FAS: variants seen among roughly 807,000 people sequenced by gnomAD.
FAS encodes the protein tumor necrosis factor receptor superfamily member 6.
FAS carries 5 observed loss-of-function variants against 33.2 expected under a neutral mutation model. The ratio of observed to expected loss-of-function variants is 0.15; its 90% CI spans 0.08 to 0.32. FAS has a LOEUF of 0.32. FAS is among the 10% of genes least tolerant of loss of function. FAS has a pLI of 1.00. For missense variants in FAS, 339 were observed against 386.0 expected, an observed-to-expected ratio of 0.88 and a Z score of 1.02; for synonymous variants, 131 against 130.7, an observed-to-expected ratio of 1.00 and a Z score of -0.01.
chr10:89,006,100 G>A (rs1012729173), intron 2 of FAS, among the ~76,000 whole-genome samples: 3 of 152,084 alleles, frequency 2.0e-5, no homozygotes, highest in Non-Finnish European at 2.9e-5. Flanking sequence ...TTGGAGGAAC[G>A]AAAGAACCTG....
intron 1 of FAS, chr10:88,973,112 T>C: frequency 6.8e-7 from 1 of 1,474,104 alleles, no homozygotes; most frequent in South Asian, 1.4e-5. Context: ...GTTTTATTTT[T>C]CTATTTTAAT....
chr10:88,990,995 T>TGCGGCGGCA lies in FAS; in HGVS notation c.30+96_30+104dup. Reference sequence around the variant, plus strand: ...GGCGGGCGCGGGACGCGTGCGGGATTGCGGCGGCAGCGGCGCACGCGGGCA... The same window carrying TGCGGCGGCA: ...GGCGGGCGCGGGACGCGTGCGGGATTGCGGCGGCAGCGGCGGCAGCGGCGCACGCGGGCA... On this transcript the variant is annotated intron_variant, in intron 1 of 8. Transcript: ENST00000652046. This position sits in a 1 kb window ranked among gnomAD's most constrained non-coding sequence, Gnocchi z 4.9. 2 of 1,588,582 alleles carry TGCGGCGGCA rather than the reference T, an allele frequency of 1.3e-6. No individual in the cohort carries two copies. The highest frequency in any genetic ancestry group is 3.4e-4 in the Middle Eastern group (2 of 5,892).
At chr10:88,972,740 A>G (rs1405924299) in intron 1 of FAS, among the ~76,000 whole-genome samples, 1 of 152,170 alleles carries the variant, frequency 6.6e-6, no homozygotes, top group Non-Finnish European at 1.5e-5. Flanking sequence ...ATTATAATGT[A>G]TATTATAAGC....
intron 1 of FAS, among the ~76,000 whole-genome samples, chr10:88,966,583 T>C (rs1228781141): frequency 6.6e-6 from 1 of 152,212 alleles, no homozygotes; most frequent in South Asian, 2.1e-4. Flanking sequence ...AAGAGGTTGA[T>C]AGTTTCACAA....
At chr10:88,998,964 C>G (rs1847764845) in intron 1 of FAS, among the ~76,000 whole-genome samples, 1 of 151,888 alleles carries the variant, frequency 6.6e-6, no homozygotes, top group Admixed American at 6.6e-5. Context: ...GACCATCTGG[C>G]CAACATGGTG....
At chr10:89,007,672 A>G in intron 2 of FAS, 28 bp from the exon 3 acceptor site, 2 of 1,613,310 alleles carry the variant, frequency 1.2e-6, no homozygotes, top group Non-Finnish European at 1.7e-6. Context: ...GTCCTGTTCA[A>G]ACACTTGCTC....
At chr10:88,966,522 G>A (rs1364981966) in intron 1 of FAS, among the ~76,000 whole-genome samples, 1 of 152,132 alleles carries the variant, frequency 6.6e-6, no homozygotes, top group Non-Finnish European at 1.5e-5. Flanking sequence ...AATATAAATA[G>A]GCAGTATAAA....
rs9658688 is a variant in FAS, at chr10:88,996,199, G to GTT, written c.30+5299_30+5300dup. ...TCAGAGTATGCGGGTGAAGACTCTTGTTTTTTTGCTGAGGATTTAGCTTTG... is the reference window on the plus strand; with the variant it reads ...TCAGAGTATGCGGGTGAAGACTCTTGTTTTTTTTTGCTGAGGATTTAGCTTTG... On this transcript the variant is annotated intron_variant, in intron 1 of 8. Coordinates refer to ENST00000652046, the MANE Select transcript of FAS (RefSeq NM_000043.6). 1.5e-3 allele frequency among the ~76,000 whole-genome samples: 234 copies of GTT among 151,896 alleles called. 1 individual carries two copies. Among genetic ancestry groups the GTT allele is most frequent in the African/African-American group, 5.4e-3 (224 of 41,404 alleles).
At chr10:88,990,240 C>T (rs529324410), upstream of FAS, among the ~76,000 whole-genome samples, 72 of 152,340 alleles carry the variant, frequency 4.7e-4, no homozygotes, top group African/African-American at 1.7e-3. This position sits in a 1 kb window ranked among gnomAD's most constrained non-coding sequence, Gnocchi z 4.9. Context: ...GCAGCCACAA[C>T]ATGGACAGCC....
At chr10:88,971,133 G>T (rs1432715592) in intron 1 of FAS, among the ~76,000 whole-genome samples, 1 of 152,096 alleles carries the variant, frequency 6.6e-6, no homozygotes, top group Non-Finnish European at 1.5e-5. Context: ...TTGTAGATTT[G>T]GGCAGAAAAA....
At chr10:88,965,944 G>A (rs1846311298) in intron 1 of FAS, among the ~76,000 whole-genome samples, 1 of 152,212 alleles carries the variant, frequency 6.6e-6, no homozygotes, top group Non-Finnish European at 1.5e-5. Context: ...AAAATGGTGA[G>A]TTAGAGCAGA....
intron 2 of FAS, chr10:88,973,766 A>ATT (rs1846500790): frequency 6.5e-6 from 1 of 152,762 alleles, no homozygotes; most frequent in Admixed American, 6.5e-5. Context: ...ATTAACAGGT[A>ATT]TATATATTTG....
At chr10:88,973,383 ATCTT>A in intron 2 of FAS, 1 of 1,435,282 alleles carries the variant, frequency 7.0e-7, no homozygotes, top group Non-Finnish European at 9.2e-7. Context: ...AATTGTGAAA[ATCTT>A]TCATAGAGTT....
upstream of FAS, among the ~76,000 whole-genome samples, chr10:88,984,472 C>A (rs143144340): frequency 3.4e-3 from 513 of 152,278 alleles, 1 homozygote; most frequent in African/African-American, 0.012. Flanking sequence ...TGTCAAGTGG[C>A]AAATGACACT....
intron 3 of FAS, among the ~76,000 whole-genome samples, 188 bp from the exon 4 acceptor site, chr10:89,008,701 T>C (rs183814375): frequency 1.3e-5 from 2 of 152,350 alleles, no homozygotes; most frequent in South Asian, 4.1e-4. Context: ...TGCTGCTAAA[T>C]GATTGCTGGC....
chr10:89,014,181 G>A lies in FAS; in HGVS notation c.739G>A (p.Gly247Ser). Reference sequence around the variant, plus strand: ...AGTCATGACACTAAGTCAAGTTAAAGGCTTTGTTCGAAAGAATGGTGTCAA... The same window carrying A: ...AGTCATGACACTAAGTCAAGTTAAAAGCTTTGTTCGAAAGAATGGTGTCAA... ...AGVMTLSQVK[G>S]FVRKNGVNEA... Residue 247 changes from glycine to serine, a missense_variant, in exon 9 of 9, where the codon GGC becomes AGC. Gly to Ser is a moderately conservative substitution (Grantham distance 56). Around this residue, in one of 3 missense-constraint regions of FAS, gnomAD observed 276 missense variants for 300.1 expected, o/e 0.92. Transcript: ENST00000652046. The A allele has an allele frequency of 6.2e-7, 1 of 1,613,854 alleles. No individual in the cohort carries two copies. The highest frequency in any genetic ancestry group is 8.5e-7 in the Non-Finnish European group (1 of 1,179,906).
chr10:88,979,845 T>C (rs1846665921), intron 2 of FAS, among the ~76,000 whole-genome samples: 2 of 152,198 alleles, frequency 1.3e-5, no homozygotes, highest in Admixed American at 1.3e-4. Flanking sequence ...AGTGCCTGTG[T>C]CCTCACCACA....
upstream of FAS, among the ~76,000 whole-genome samples, chr10:88,984,287 T>C (rs1337761318): frequency 1.3e-5 from 2 of 152,108 alleles, no homozygotes; most frequent in Non-Finnish European, 2.9e-5. Context: ...TGTAGTCTCC[T>C]AGGGCTGTTG....
At chr10:88,973,506 G>A in intron 2 of FAS, 1 of 579,554 alleles carries the variant, frequency 1.7e-6, no homozygotes, top group Non-Finnish European at 2.6e-6. Flanking sequence ...TCATGGATGT[G>A]AGGCCAGGTA....
Sources: allele counts gnomAD v4.1 joint callset (sites outside exome capture counted in the v4.1 genomes callset), GRCh38; gene constraint gnomAD v4.1.1; regional missense constraint gnomAD v4.1.1; non-coding constraint Gnocchi (gnomAD v3.1); transcripts MANE v1.5; gene names NCBI Gene and HGNC (gene_info 2026-07-23, HGNC 2026-07-21).